Variants in ADARB2 observed in about 807,000 individuals in gnomAD.
The protein encoded by ADARB2 is inactive double-stranded RNA-specific editase B2.
ADARB2 carries 25 observed loss-of-function variants against 62.2 expected under a neutral mutation model. That is an observed-to-expected ratio of 0.40 (90% CI 0.29 to 0.56). The LOEUF (loss-of-function observed/expected upper bound fraction) is 0.56. ADARB2 is among the 20% of genes least tolerant of loss of function. The probability of loss-of-function intolerance (pLI) is 0.43; values close to 1 mark genes in which losing one functional copy is unlikely to be tolerated. For missense variants in ADARB2, 1,071 were observed against 1,077.4 expected (o/e 0.99, Z 0.08); for synonymous variants, 572 against 500.8 (o/e 1.14, Z -1.90).
At chr10:1,698,072 T>A (rs1032063536) in intron 1 of ADARB2, among the ~76,000 whole-genome samples, 6 of 152,210 alleles carry the variant, frequency 3.9e-5, no homozygotes, top group Non-Finnish European at 8.8e-5. Context: ...TATTAATAAA[T>A]CAACATCTCT....
At chr10:1,352,658 A>T (rs114434827) in intron 3 of ADARB2, among the ~76,000 whole-genome samples, 1,538 of 152,314 alleles carry the variant, frequency 0.01, 25 homozygotes, top group African/African-American at 0.035. Flanking sequence ...CATTCTCTGC[A>T]GTTCTCATAA....
At chr10:1,220,588 C>T (rs1374822850) in intron 6 of ADARB2, among the ~76,000 whole-genome samples, 1 of 152,198 alleles carries the variant, frequency 6.6e-6, no homozygotes, top group East Asian at 1.9e-4. Context: ...GTTTCCACAA[C>T]ATTACCACAA....
At chr10:1,506,309 A>G (rs1162084399) in intron 1 of ADARB2, among the ~76,000 whole-genome samples, 1 of 152,184 alleles carries the variant, frequency 6.6e-6, no homozygotes, top group Non-Finnish European at 1.5e-5. Flanking sequence ...AATTCTGCCC[A>G]TAATATTTAT....
intron 5 of ADARB2, among the ~76,000 whole-genome samples, chr10:1,234,782 GC>G (rs1830848496): frequency 1.2e-5 from 1 of 86,242 alleles, no homozygotes; most frequent in African/African-American, 4.5e-5. Context: ...ACGGAGTCTT[GC>G]TTTGTCCCAG....
chr10:1,350,843 C>T (rs1403695550), intron 3 of ADARB2, among the ~76,000 whole-genome samples: 3 of 152,162 alleles, frequency 2.0e-5, no homozygotes, highest in Non-Finnish European at 4.4e-5. Flanking sequence ...GTACACCTCG[C>T]CTTCAAGGTG....
intron 7 of ADARB2, among the ~76,000 whole-genome samples, chr10:1,203,642 G>T (rs1837014975): frequency 6.6e-6 from 1 of 152,106 alleles, no homozygotes; most frequent in Non-Finnish European, 1.5e-5. Flanking sequence ...GGGAGTCAGT[G>T]CGGCCATCAG....
chr10:1,609,089 C>T (rs945924001), intron 1 of ADARB2, among the ~76,000 whole-genome samples: 3 of 152,210 alleles, frequency 2.0e-5, no homozygotes, highest in South Asian at 2.1e-4. Flanking sequence ...GAGCAATGTG[C>T]CTGGTGCCCG....
intron 3 of ADARB2, among the ~76,000 whole-genome samples, chr10:1,348,499 G>A (rs1295918301): frequency 3.9e-5 from 6 of 152,184 alleles, no homozygotes; most frequent in Non-Finnish European, 7.4e-5. Context: ...TCTGTCTGGA[G>A]TGGGTGGTCT....
At chr10:1,660,789 C>CCTTCATTCCAA (rs1259753122) in intron 1 of ADARB2, among the ~76,000 whole-genome samples, 1 of 152,176 alleles carries the variant, frequency 6.6e-6, no homozygotes, top group East Asian at 1.9e-4. Context: ...TCTGGCCTTG[C>CCTTCATTCCAA]CTTCATTCCA....
At chr10:1,640,028 T>G (rs1298698721) in intron 1 of ADARB2, among the ~76,000 whole-genome samples, 4 of 152,118 alleles carry the variant, frequency 2.6e-5, no homozygotes, top group Non-Finnish European at 5.9e-5. Flanking sequence ...ATCTGAAGTG[T>G]GTTTTAATCC....
chr10:1,731,025 G>C (rs1054492955), intron 1 of ADARB2, among the ~76,000 whole-genome samples: 4 of 152,158 alleles, frequency 2.6e-5, no homozygotes, highest in African/African-American at 9.7e-5. Context: ...GGAGGGCCTG[G>C]GAAATTCAGA....
intron 1 of ADARB2, among the ~76,000 whole-genome samples, chr10:1,538,161 C>G (rs1431414592): frequency 6.6e-6 from 1 of 152,170 alleles, no homozygotes; most frequent in Non-Finnish European, 1.5e-5. Flanking sequence ...CCTCCCTTCC[C>G]TTCCCTGTCA....
chr10:1,375,467 G>A (rs756129588), intron 2 of ADARB2, among the ~76,000 whole-genome samples: 1 of 152,174 alleles, frequency 6.6e-6, no homozygotes, highest in Non-Finnish European at 1.5e-5. Flanking sequence ...CCTGTTCCCC[G>A]CTCTGCACCC....
chr10:1,456,769 G>A (rs1043738943), intron 1 of ADARB2, among the ~76,000 whole-genome samples: 3 of 152,056 alleles, frequency 2.0e-5, no homozygotes, highest in African/African-American at 7.2e-5. Flanking sequence ...AAGAAAATAG[G>A]ATCTTCTGAC....
At chr10:1,707,990 A>G (rs1272572127) in intron 1 of ADARB2, among the ~76,000 whole-genome samples, 2 of 152,186 alleles carry the variant, frequency 1.3e-5, no homozygotes, top group Non-Finnish European at 2.9e-5. Context: ...ACATTCTACA[A>G]TGTGTTAAAG....
At chr10:1,553,563 G>T (rs971244251) in intron 1 of ADARB2, among the ~76,000 whole-genome samples, 4 of 152,154 alleles carry the variant, frequency 2.6e-5, no homozygotes, top group African/African-American at 7.2e-5. Context: ...TCAAAGGAAC[G>T]CGATGCTCTA....
intron 1 of ADARB2, among the ~76,000 whole-genome samples, chr10:1,561,283 C>T (rs991981650): frequency 7.2e-5 from 11 of 152,160 alleles, no homozygotes; most frequent in East Asian, 3.9e-4. Flanking sequence ...GCCCTGGCTG[C>T]GGGACTGGAT....
At chr10:1,263,661 C>T (rs1831166059) in intron 4 of ADARB2, among the ~76,000 whole-genome samples, 1 of 152,140 alleles carries the variant, frequency 6.6e-6, no homozygotes, top group South Asian at 2.1e-4. Context: ...TTATTTTCTC[C>T]TCCATTTCTC....
At chr10:1,362,908 C>T (rs1459401728) in intron 3 of ADARB2, 120 bp downstream of exon 3, 5 of 980,572 alleles carry the variant, frequency 5.1e-6, no homozygotes, top group Non-Finnish European at 6.7e-6. Context: ...TTTCCCCTCC[C>T]GCTCCACGCG....
Sources: allele counts gnomAD v4.1 joint callset (sites outside exome capture counted in the v4.1 genomes callset), GRCh38; gene constraint gnomAD v4.1.1; transcripts MANE v1.5; gene names NCBI Gene and HGNC (gene_info 2026-07-23, HGNC 2026-07-21).